The following NELL1 variants were observed in gnomAD, a reference collection of about 807,000 sequenced individuals.
NELL1 encodes neural EGFL like 1.
NELL1 carries 76 observed loss-of-function variants against 107.4 expected under a neutral mutation model. The ratio of observed to expected loss-of-function variants is 0.71; its 90% confidence interval spans 0.59 to 0.86. The LOEUF (loss-of-function observed/expected upper bound fraction) is 0.86, where lower values mean the gene tolerates loss of function less well. Among genes scored for constraint, NELL1 ranks in the 40% least tolerant of loss-of-function variants. NELL1 has a pLI of 0.00. For synonymous variants in NELL1, 353 were observed against 341.2 expected, an observed-to-expected ratio of 1.03 and a Z score of -0.38; for missense variants, 1,024 against 1,005.5, an observed-to-expected ratio of 1.02 and a Z score of -0.25.
chr11:21,223,191 T>G (rs974689153), intron 13 of NELL1, among the ~76,000 whole-genome samples: 1 of 152,056 alleles, frequency 6.6e-6, no homozygotes, highest in Non-Finnish European at 1.5e-5. Context: ...TCTCTCTCTT[T>G]CTCTTTCTCT....
At chr11:21,010,824 C>T (rs561748651) in intron 12 of NELL1, among the ~76,000 whole-genome samples, 93 of 152,152 alleles carry the variant, frequency 6.1e-4, no homozygotes, top group Middle Eastern at 3.4e-3. Flanking sequence ...AGCAAACTGC[C>T]CTTAGCTTCC....
In NELL1 at chr11:20,732,506, T is replaced by C. The variant is rs148477082; in HGVS notation, c.185-51174T>C. 7.7e-3 allele frequency among the ~76,000 whole-genome samples: 1,173 copies of C among 152,230 alleles called. 14 individuals are homozygous for C. The highest frequency in any genetic ancestry group is 0.027 in the African/African-American group (1,119 of 41,536). Reference sequence around the variant, plus strand: ...GTGTAAAGATAATGAGCATTAATGGTGTGCCTGAATGACTCCCAGGTGGTG... The same window carrying C: ...GTGTAAAGATAATGAGCATTAATGGCGTGCCTGAATGACTCCCAGGTGGTG... On this transcript the variant is annotated intron_variant, in intron 2 of 19. Transcript: ENST00000357134.
intron 13 of NELL1, among the ~76,000 whole-genome samples, chr11:21,177,136 A>G (rs1329482983): frequency 6.6e-6 from 1 of 151,812 alleles, no homozygotes; most frequent in Non-Finnish European, 1.5e-5. Context: ...TACTATTTTG[A>G]GGAATTTAGA....
chr11:21,240,764 A>AG (rs1858333352), intron 14 of NELL1, among the ~76,000 whole-genome samples: 1 of 32,386 alleles, frequency 3.1e-5, no homozygotes, highest in African/African-American at 1.3e-4. Context: ...GTGCCTTTCT[A>AG]GTGGGGGGGG....
intron 12 of NELL1, among the ~76,000 whole-genome samples, chr11:21,007,685 C>A (rs550856413): frequency 6.6e-6 from 1 of 152,148 alleles, no homozygotes; most frequent in East Asian, 1.9e-4. Flanking sequence ...TACATTCACA[C>A]TTACTTGCAA....
At chr11:21,573,154 T>A (rs1409253231) in intron 18 of NELL1, 31 bp from the exon 19 acceptor site, 1 of 1,550,722 alleles carries the variant, frequency 6.4e-7, no homozygotes, top group East Asian at 2.3e-5. Flanking sequence ...ATAGGAACAA[T>A]AATGAGACAT....
intron 13 of NELL1, among the ~76,000 whole-genome samples, chr11:21,133,248 T>A (rs1855665495): frequency 6.6e-6 from 1 of 152,134 alleles, no homozygotes. Flanking sequence ...TGGCTGAGTT[T>A]GAATTTTTAT....
chr11:21,055,594 T>C (rs2134354025), intron 12 of NELL1, among the ~76,000 whole-genome samples: 1 of 152,304 alleles, frequency 6.6e-6, no homozygotes, highest in South Asian at 2.1e-4. Flanking sequence ...TCTTCTGTTA[T>C]CTGTTCTAAT....
intron 7 of NELL1, among the ~76,000 whole-genome samples, chr11:20,922,620 T>C (rs1217077941): frequency 6.6e-6 from 1 of 152,112 alleles, no homozygotes. Context: ...CAGAATTCAG[T>C]TAATAGGGCT....
chr11:21,275,508 C>G (rs543954683), intron 14 of NELL1, among the ~76,000 whole-genome samples: 2 of 152,280 alleles, frequency 1.3e-5, no homozygotes, highest in African/African-American at 2.4e-5. Context: ...TGAAACTGTT[C>G]CAATCAATAG....
intron 15 of NELL1, among the ~76,000 whole-genome samples, chr11:21,402,648 T>C (rs1166545405): frequency 5.3e-5 from 8 of 151,698 alleles, no homozygotes; most frequent in Admixed American, 1.3e-4. Context: ...CTTTTCTTTT[T>C]TTTTTTTTTT....
chr11:21,492,287 A>G (rs1854842487), intron 15 of NELL1, among the ~76,000 whole-genome samples: 1 of 152,064 alleles, frequency 6.6e-6, no homozygotes, highest in South Asian at 2.1e-4. Context: ...ACACTTTTAC[A>G]CTGTTGGTGG....
At chr11:21,544,907 C>CA (rs2133982718) in intron 16 of NELL1, among the ~76,000 whole-genome samples, 1 of 151,158 alleles carries the variant, frequency 6.6e-6, no homozygotes, top group Admixed American at 6.6e-5. Context: ...CGTTCTGTGG[C>CA]AAAAAATGAT....
chr11:21,360,551 T>A (rs1851052847), intron 14 of NELL1, among the ~76,000 whole-genome samples: 1 of 152,172 alleles, frequency 6.6e-6, no homozygotes, highest in Non-Finnish European at 1.5e-5. Flanking sequence ...TTGTTGACTT[T>A]CCATCTTGAT....
intron 12 of NELL1, among the ~76,000 whole-genome samples, chr11:21,052,488 G>A (rs1221590385): frequency 6.6e-6 from 1 of 152,068 alleles, no homozygotes; most frequent in Non-Finnish European, 1.5e-5. Context: ...CATATATGTT[G>A]GGAGTATAGC....
intron 15 of NELL1, among the ~76,000 whole-genome samples, chr11:21,518,299 C>T (rs4923633): frequency 0.31 from 47,534 of 151,896 alleles, 8,758 homozygotes; most frequent in Non-Finnish European, 0.41. Flanking sequence ...TGGGTGTAAT[C>T]AGATGATGAC....
chr11:21,261,625 A>C (rs528075469), intron 14 of NELL1, among the ~76,000 whole-genome samples: 1 of 151,926 alleles, frequency 6.6e-6, no homozygotes, highest in South Asian at 2.1e-4. Context: ...GCCCAAGGTC[A>C]AGTAGCTATT....
At chr11:21,018,331 C>T (rs530496053) in intron 12 of NELL1, among the ~76,000 whole-genome samples, 49 of 152,100 alleles carry the variant, frequency 3.2e-4, no homozygotes, top group South Asian at 6.2e-4. Flanking sequence ...TACACTTAGC[C>T]GTGGGAATTA....
At chr11:21,530,382 T>C (rs1034988072) in intron 15 of NELL1, among the ~76,000 whole-genome samples, 9 of 152,106 alleles carry the variant, frequency 5.9e-5, no homozygotes, top group Non-Finnish European at 1.0e-4. Context: ...GCTCAAGAGA[T>C]GGATTTTACA....
Sources: gnomAD v4.1 joint callset for allele counts (sites outside exome capture counted in the v4.1 genomes callset) on GRCh38, gnomAD v4.1.1 for gene constraint, MANE v1.5 for transcripts, NCBI Gene and HGNC (gene_info 2026-07-23, HGNC 2026-07-21) for gene names.